The following CGNL1 variants were observed in gnomAD, a reference collection of about 807,000 sequenced individuals.
CGNL1 encodes cingulin like 1.
Under a neutral mutation model 141.2 loss-of-function variants are expected in CGNL1, and 132 were observed. That is an observed-to-expected ratio of 0.93 (90% CI 0.81 to 1.08). The LOEUF (loss-of-function observed/expected upper bound fraction) is 1.08. CGNL1 is among the 50% of genes least tolerant of loss of function. The pLI is 0.00. For synonymous variants in CGNL1, 690 were observed against 622.1 expected, an observed-to-expected ratio of 1.11 and a Z score of -1.63; for missense variants, 1,870 against 1,588.6, an observed-to-expected ratio of 1.18 and a Z score of -3.01.
At chr15:57,472,673 G>T (rs1055130377) in intron 8 of CGNL1, among the ~76,000 whole-genome samples, 2 of 152,140 alleles carry the variant, frequency 1.3e-5, no homozygotes, top group Admixed American at 1.3e-4. Flanking sequence ...TGGAGAAAGG[G>T]ATGGGAATAG....
intron 1 of CGNL1, chr15:57,401,996 T>C (rs1312666230): frequency 6.6e-6 from 1 of 152,190 alleles, no homozygotes; most frequent in Non-Finnish European, 1.5e-5. Flanking sequence ...GCTTGGAACA[T>C]GGACACAATG....
intron 1 of CGNL1, among the ~76,000 whole-genome samples, chr15:57,407,667 C>A (rs944478759): frequency 6.6e-6 from 1 of 151,942 alleles, no homozygotes; most frequent in Non-Finnish European, 1.5e-5. Context: ...CAGAGTGAGA[C>A]CCTGTCTCAG....
intron 1 of CGNL1, among the ~76,000 whole-genome samples, chr15:57,419,645 G>A (rs1381248529): frequency 1.3e-5 from 2 of 152,162 alleles, no homozygotes; most frequent in Non-Finnish European, 2.9e-5. Flanking sequence ...GGGCTTCTAT[G>A]TGGGAGGAAG....
At position 57,438,447 on chromosome 15, in the gene CGNL1, G is replaced by A. The variant is rs1206089784; in HGVS notation, c.448G>A (p.Glu150Lys). 6 of 1,614,172 alleles carry A rather than the reference G, an allele frequency of 3.7e-6. No homozygotes were observed. The highest frequency in any genetic ancestry group is 5.1e-6 in the Non-Finnish European group (6 of 1,180,046). ...CCTGCTGAACTTTCAGAGGCATCCA[G>A]AGCTTTTGCAACCCTATGACCCTGA... ...SHLLNFQRHP[E>K]LLQPYDPEKN... The change falls in exon 2 of 19, where the codon GAG becomes AAG. Residue 150 changes from glutamate (E) to lysine (K), a missense_variant. Glu to Lys is a moderately conservative substitution (Grantham distance 56). Coordinates refer to ENST00000281282, the MANE Select transcript of CGNL1 (RefSeq NM_032866.5).
Position 57,451,430 on chromosome 15 carries a change from G to A in CGNL1, c.1804-70G>A. The A allele has an allele frequency of 2.8e-6, 3 of 1,088,078 alleles. No homozygotes were observed. The South Asian group carries it at 4.1e-5, about 15-fold the overall frequency. 67.4% of individuals were successfully genotyped at this position (1,088,078 alleles called of 1,614,324 possible). A position where few individuals can be genotyped will look rare whatever the true frequency, so the allele number is the denominator to read the frequency against. On this transcript the variant is annotated intron_variant, in intron 4 of 18. Coordinates refer to ENST00000281282, the MANE Select transcript of CGNL1 (RefSeq NM_032866.5). ...ATCTGTTACTGCACTGATTATATTT[G>A]GAGGGGGAAGATAATTAAAATAAAG...
intron 13 of CGNL1, among the ~76,000 whole-genome samples, chr15:57,530,811 G>A (rs1323539285): frequency 2.0e-5 from 3 of 152,200 alleles, no homozygotes; most frequent in Non-Finnish European, 4.4e-5. Context: ...TAATATTTAG[G>A]GATAGAGGTG....
Position 57,548,424 on chromosome 15 carries a change from A to G in CGNL1, c.*934A>G, listed in dbSNP as rs2032977677. On this transcript the variant is annotated 3_prime_UTR_variant, in exon 19 of 19. Coordinates refer to ENST00000281282, the MANE Select transcript of CGNL1 (RefSeq NM_032866.5). ...AGACCAGTTTGGAAACCAAAGTTGG[A>G]AAAGAAGAATTGTAGTGGTCATGGA... 1 of 152,270 alleles carries G rather than the reference A, an allele frequency of 6.6e-6. No homozygotes were observed. Among genetic ancestry groups the G allele is most frequent in the Admixed American group, 6.5e-5 (1 of 15,288 alleles). 9.4% of individuals were successfully genotyped at this position (152,270 alleles called of 1,614,324 possible).
At chr15:57,543,187 C>T (rs1382896686) in intron 14 of CGNL1, among the ~76,000 whole-genome samples, 6 of 151,280 alleles carry the variant, frequency 4.0e-5, no homozygotes, top group South Asian at 2.1e-4. Context: ...TTGGTAATCA[C>T]TGGCTTGTAT....
chr15:57,415,832 T>C (rs1310880967), intron 1 of CGNL1, among the ~76,000 whole-genome samples: 3 of 152,230 alleles, frequency 2.0e-5, no homozygotes, highest in African/African-American at 7.2e-5. Context: ...TTACAGTTCT[T>C]TGGGCTCCTT....
At chr15:57,388,118 G>A (rs866826499) in intron 1 of CGNL1, among the ~76,000 whole-genome samples, 1 of 152,248 alleles carries the variant, frequency 6.6e-6, no homozygotes, top group Non-Finnish European at 1.5e-5. Context: ...GGGGGCTTCA[G>A]TGGGCAGAGA....
chr15:57,409,753 T>C (rs1207188790), intron 1 of CGNL1, among the ~76,000 whole-genome samples: 1 of 152,198 alleles, frequency 6.6e-6, no homozygotes, highest in East Asian at 1.9e-4. Context: ...ATAGGACTTT[T>C]AGACATTTAG....
At chr15:57,486,852 G>A (rs550406953) in intron 8 of CGNL1, among the ~76,000 whole-genome samples, 2 of 152,306 alleles carry the variant, frequency 1.3e-5, no homozygotes, top group East Asian at 3.9e-4. Context: ...TGCAATAGTT[G>A]CATGCTCCTG....
intron 7 of CGNL1, among the ~76,000 whole-genome samples, chr15:57,457,705 A>G (rs145206471): frequency 2.0e-5 from 3 of 152,200 alleles, no homozygotes; most frequent in African/African-American, 4.8e-5. Context: ...TTATAAAATC[A>G]TCAGATCTCC....
At chr15:57,502,207 T>A (rs2064034792) in intron 8 of CGNL1, among the ~76,000 whole-genome samples, 1 of 152,118 alleles carries the variant, frequency 6.6e-6, no homozygotes, top group African/African-American at 2.4e-5. Flanking sequence ...GTTTTAAGTT[T>A]TTGGAAGGCT....
intron 7 of CGNL1, among the ~76,000 whole-genome samples, chr15:57,458,316 C>A (rs2063403890): frequency 6.6e-6 from 1 of 152,138 alleles, no homozygotes; most frequent in Non-Finnish European, 1.5e-5. Flanking sequence ...AATAATTAAG[C>A]CCCGAGGTGA....
intron 1 of CGNL1, among the ~76,000 whole-genome samples, chr15:57,411,428 G>A (rs892946959): frequency 2.0e-5 from 3 of 151,290 alleles, no homozygotes; most frequent in African/African-American, 7.3e-5. Flanking sequence ...GATGCCACTA[G>A]TTTTCTTTTT....
At chr15:57,448,851 G>A (rs900656006) in intron 4 of CGNL1, among the ~76,000 whole-genome samples, 5 of 151,650 alleles carry the variant, frequency 3.3e-5, no homozygotes, top group African/African-American at 4.9e-5. Context: ...ATGCTAGACC[G>A]AGTGGGTGAT....
intron 14 of CGNL1, among the ~76,000 whole-genome samples, chr15:57,533,290 G>A (rs531834573): frequency 6.9e-4 from 105 of 152,226 alleles, no homozygotes; most frequent in African/African-American, 2.4e-3. Flanking sequence ...GTTTAGAGAG[G>A]GACCTTCCTG....
chr15:57,475,336 AAG>A (rs66491361), intron 8 of CGNL1, among the ~76,000 whole-genome samples: 62,138 of 151,792 alleles, frequency 0.41, 12,681 homozygotes, highest in Middle Eastern at 0.48. Flanking sequence ...ACCTCCACAG[AAG>A]AGTGTGCCCT....
Sources: allele counts gnomAD v4.1 joint callset (sites outside exome capture counted in the v4.1 genomes callset), GRCh38; gene constraint gnomAD v4.1.1; transcripts MANE v1.5; gene names NCBI Gene and HGNC (gene_info 2026-07-23, HGNC 2026-07-21).